Variants in ERMN observed in about 807,000 individuals in gnomAD.
The protein encoded by ERMN is ermin, ERM-like protein.
A neutral mutation model predicts 21.4 loss-of-function variants in ERMN; 17 were observed. The ratio of observed to expected loss-of-function variants is 0.80; its 90% CI spans 0.54 to 1.19. The LOEUF (loss-of-function observed/expected upper bound fraction) is 1.19, where lower values mean the gene tolerates loss of function less well. Ranked by LOEUF, ERMN falls within the 50% of genes most tolerant of loss-of-function variation. The pLI is 0.00. For synonymous variants in ERMN, 115 were observed against 111.9 expected, an observed-to-expected ratio of 1.03 and a Z score of -0.17; for missense variants, 348 against 331.6, an observed-to-expected ratio of 1.05 and a Z score of -0.38.
At chr2:157,323,190 T>C (rs1218575403) in intron 2 of ERMN, among the ~76,000 whole-genome samples, 8 of 152,102 alleles carry the variant, frequency 5.3e-5, no homozygotes, top group Non-Finnish European at 1.2e-4. Context: ...CTGCTTTCAT[T>C]CTCCATTTGA....
chr2:157,321,192 G>C lies in ERMN; in HGVS notation c.*79C>G, dbSNP rs1683882136. ...TCCCTCCAAGTGATAACTCAAATAA[G>C]GCATAGAAATATGCACCCTGGGGCA... is the stretch of plus-strand genomic sequence containing the variant. On this transcript the variant is annotated 3_prime_UTR_variant, in exon 3 of 3. Coordinates refer to ENST00000410096, the MANE Select transcript of ERMN (RefSeq NM_020711.3). 2.6e-6 allele frequency: 4 copies of C among 1,514,936 alleles called. No individual in the cohort carries two copies. In the Admixed American group the frequency reaches 8.5e-5, roughly 32 times the overall value. The allele number at this position is 1,514,936 out of a possible 1,614,324, so 93.8% of individuals were successfully genotyped here.
chr2:157,327,373 A>ATGTT (rs757155485), upstream of ERMN: 14 of 738,388 alleles, frequency 1.9e-5, no homozygotes, highest in Admixed American at 2.6e-4. Flanking sequence ...CTCTAATTCT[A>ATGTT]TGTTTGTTTG....
chr2:157,324,223 G>C, intron 2 of ERMN: 1 of 244,426 alleles, frequency 4.1e-6, no homozygotes, highest in Non-Finnish European at 8.2e-6. Context: ...AGTCTGCCGA[G>C]ATTGCACCAT....
chr2:157,324,131 G>T, intron 2 of ERMN: 1 of 252,704 alleles, frequency 4.0e-6, no homozygotes, highest in Non-Finnish European at 7.8e-6. Context: ...AAATAGCTGG[G>T]CGTGGTGTCA....
At chr2:157,322,260 A>G (rs1473962098) in intron 2 of ERMN, among the ~76,000 whole-genome samples, 1 of 151,982 alleles carries the variant, frequency 6.6e-6, no homozygotes, top group Non-Finnish European at 1.5e-5. Flanking sequence ...ACACACACAC[A>G]CACACACACA....
At chr2:157,322,084 G>A (rs1193163021) in intron 2 of ERMN, among the ~76,000 whole-genome samples, 1 of 152,000 alleles carries the variant, frequency 6.6e-6, no homozygotes, top group Non-Finnish European at 1.5e-5. Context: ...AACTTCATTT[G>A]TCTATGGAAC....
intron 2 of ERMN, among the ~76,000 whole-genome samples, chr2:157,322,323 C>T (rs1377751468): frequency 6.6e-6 from 1 of 151,812 alleles, no homozygotes; most frequent in Non-Finnish European, 1.5e-5. Flanking sequence ...TGCTCGTTTC[C>T]AATACTGAAA....
At position 157,325,659 on chromosome 2, in the gene ERMN, C is replaced by T. The variant is rs1240881527; in HGVS notation, c.-17G>A. The T allele has an allele frequency of 5.0e-6, 8 of 1,613,926 alleles. No individual in the cohort carries two copies. The highest frequency in any genetic ancestry group is 2.2e-5 in the East Asian group (1 of 44,896). Reference sequence around the variant, plus strand: ...ATCTGTCATGATGTGCGGTTGAATCCGATCTGGAGAGAGAGCTTTAGGGAA... The same window carrying T: ...ATCTGTCATGATGTGCGGTTGAATCTGATCTGGAGAGAGAGCTTTAGGGAA... On this transcript the variant is annotated 5_prime_UTR_variant, in exon 1 of 3. Coordinates refer to ENST00000410096, the MANE Select transcript of ERMN (RefSeq NM_020711.3).
chr2:157,325,519 G>A lies in ERMN; in HGVS notation c.124C>T (p.His42Tyr). Residue 42 changes from histidine to tyrosine, a missense_variant, in exon 1 of 3, where the codon CAC becomes TAC. Transcript: ENST00000410096. The part of the protein sequence containing the change: ...ELTDVDSPLP[H>Y]YRVEPSLEGA... ...TCCAGACTGGGTTCTACCCTGTAGTGTGGCAGGGGGCTGTCCACATCAGTC... is the reference window on the plus strand; with the variant it reads ...TCCAGACTGGGTTCTACCCTGTAGTATGGCAGGGGGCTGTCCACATCAGTC... The A allele has an allele frequency of 6.2e-7, 1 of 1,614,172 alleles. No homozygotes were observed. Among genetic ancestry groups the A allele is most frequent in the Non-Finnish European group, 8.5e-7 (1 of 1,180,026 alleles).
upstream of ERMN, among the ~76,000 whole-genome samples, chr2:157,326,372 T>C (rs544656992): frequency 6.6e-6 from 1 of 152,360 alleles, no homozygotes; most frequent in East Asian, 1.9e-4. Context: ...ACCAACTTGC[T>C]AATACCAAAA....
chr2:157,321,323 T>G lies in ERMN; in HGVS notation c.803A>C (p.Lys268Thr), dbSNP rs748799201. Residue 268 changes from lysine to threonine, a missense_variant, in exon 3 of 3, where the codon AAG (lysine) becomes ACG (threonine). Transcript: ENST00000410096. ...YNTISYRKIR[K>T]GNTKQRIDEF... ...ATCAATTCTTTGCTTGGTATTTCCCTTTCTGATTTTCCGATAGGATATTGT... is the reference window on the plus strand; with the variant it reads ...ATCAATTCTTTGCTTGGTATTTCCCGTTCTGATTTTCCGATAGGATATTGT... 6.2e-7 allele frequency: 1 copy of G among 1,614,076 alleles called. No homozygotes were observed. Among genetic ancestry groups the G allele is most frequent in the South Asian group, 1.1e-5 (1 of 91,074 alleles).
upstream of ERMN, chr2:157,327,266 A>G (rs1684090158): frequency 1.9e-6 from 1 of 532,394 alleles, no homozygotes; most frequent in Non-Finnish European, 3.4e-6. Flanking sequence ...ACAACACCTC[A>G]CTCTTGTATA....
chr2:157,318,704 G>A lies in ERMN; in HGVS notation c.*2567C>T, dbSNP rs1171686964. 1 of 151,950 alleles carries A rather than the reference G, an allele frequency of 6.6e-6. No homozygotes were observed. Among genetic ancestry groups the A allele is most frequent in the Non-Finnish European group, 1.5e-5 (1 of 67,994 alleles). The allele number at this position is 151,950 out of a possible 1,614,324, so 9.4% of individuals were successfully genotyped here. On this transcript the variant is annotated 3_prime_UTR_variant, in exon 3 of 3. Transcript: ENST00000410096. Reference sequence around the variant, plus strand: ...TTGGTAGGTAGGGGGAGAGAGAGATGGTAGCAAATTCTGTGCCTTCAATGT... The same window carrying A: ...TTGGTAGGTAGGGGGAGAGAGAGATAGTAGCAAATTCTGTGCCTTCAATGT...
intron 1 of ERMN, 64 bp downstream of exon 1, chr2:157,325,337 CA>C (rs1574049473): frequency 1.9e-6 from 3 of 1,603,848 alleles, no homozygotes; most frequent in Non-Finnish European, 2.6e-6. Flanking sequence ...AATAGTTTAT[CA>C]AAAAAATCCA....
chr2:157,325,131 C>A, intron 1 of ERMN: 1 of 591,832 alleles, frequency 1.7e-6, no homozygotes, highest in Non-Finnish European at 3.3e-6. Flanking sequence ...CAATACTTAC[C>A]CTAGACTTGT....
In ERMN at chr2:157,325,431, T is replaced by G. The variant is rs993792136; in HGVS notation, c.212A>C (p.Asn71Thr). 1.9e-6 allele frequency: 3 copies of G among 1,613,976 alleles called. No individual in the cohort carries two copies. In the African/African-American group the frequency reaches 4.0e-5, roughly 22 times the overall value. The change falls in exon 1 of 3, where the codon AAC becomes ACC. Residue 71 changes from asparagine (N) to threonine (T), a missense_variant. By Grantham distance (65) the Asn-to-Thr change is moderately conservative (BLOSUM62 0). Coordinates refer to ENST00000410096, the MANE Select transcript of ERMN (RefSeq NM_020711.3). ...TAGCATTTTGTCCTCCATGGATGAG[T>G]TGAGCAGCATGTTCCCTTGTAATTT... ...RRKLQGNMLL[N>T]SSMEDKMLKE... is the part of the protein sequence containing the mutation.
At position 157,321,120 on chromosome 2, in the gene ERMN, G is replaced by T; in HGVS notation, c.*151C>A. On this transcript the variant is annotated 3_prime_UTR_variant, in exon 3 of 3. Transcript: ENST00000410096. ...TTATCAGACTGAATTTTTATCTAGG[G>T]TTATTTCCACATTATTCTACAGTGA... 9 of 1,178,608 alleles carry T rather than the reference G, an allele frequency of 7.6e-6. No homozygotes were observed. Among genetic ancestry groups the T allele is most frequent in the Non-Finnish European group, 1.0e-5 (9 of 861,192 alleles). The allele number at this position is 1,178,608 out of a possible 1,614,324, so 73.0% of individuals were successfully genotyped here.
chr2:157,327,070 TA>T (rs1436505022), upstream of ERMN: 1 of 149,996 alleles, frequency 6.7e-6, no homozygotes, highest in Non-Finnish European at 1.5e-5. Context: ...CACAAATAAT[TA>T]TATATATACA....
rs144949267 is a variant in ERMN at position 157,324,589 on chromosome 2, G to A, written c.334+81C>T. Reference sequence around the variant, plus strand: ...GCCTGGATTGCTTTGTCAACCCCACGCTCATGCAACATTTCATGGAAAGAC... The same window carrying A: ...GCCTGGATTGCTTTGTCAACCCCACACTCATGCAACATTTCATGGAAAGAC... On this transcript the variant is annotated intron_variant, in intron 2 of 2. Transcript: ENST00000410096. 9.9e-5 allele frequency: 111 copies of A among 1,120,816 alleles called. 1 individual carries two copies. The African/African-American group carries it at 1.2e-3, about 12-fold the overall frequency. The allele number at this position is 1,120,816 out of a possible 1,614,324, so 69.4% of individuals were successfully genotyped here.
Sources: gnomAD v4.1 joint callset for allele counts (sites outside exome capture counted in the v4.1 genomes callset) on GRCh38, gnomAD v4.1.1 for gene constraint, MANE v1.5 for transcripts, NCBI Gene and HGNC (gene_info 2026-07-23, HGNC 2026-07-21) for gene names.